The following CTNNA3 variants were observed in gnomAD, a reference collection of about 807,000 sequenced individuals.
The protein encoded by CTNNA3 is catenin alpha 3.
In CTNNA3, 76 loss-of-function variants were observed where a neutral mutation model predicts 95.7. The observed-to-expected ratio is 0.79, with a 90% CI of 0.66 to 0.96. The LOEUF (loss-of-function observed/expected upper bound fraction) is 0.96, where lower values mean the gene tolerates loss of function less well. Among genes scored for constraint, CTNNA3 ranks in the 40% least tolerant of loss-of-function variants. CTNNA3 has a pLI of 0.00. For synonymous variants in CTNNA3, 431 were observed against 374.4 expected (o/e 1.15, Z -1.74); for missense variants, 1,191 against 1,089.8 (o/e 1.09, Z -1.31).
At chr10:67,425,135 T>A (rs1396900690) in intron 5 of CTNNA3, among the ~76,000 whole-genome samples, 2 of 152,050 alleles carry the variant, frequency 1.3e-5, no homozygotes, top group Non-Finnish European at 2.9e-5. Flanking sequence ...ATAAGAAAAA[T>A]TTAACAACAT....
At chr10:66,687,700 C>CATATATATATATATATAT (rs138007950) in intron 9 of CTNNA3, among the ~76,000 whole-genome samples, 1 of 147,290 alleles carries the variant, frequency 6.8e-6, no homozygotes, top group African/African-American at 2.5e-5. Context: ...TGTATTGATT[C>CATATATATATATATATAT]ATATATATAT....
intron 3 of CTNNA3, among the ~76,000 whole-genome samples, chr10:67,585,181 G>A (rs529376749): frequency 6.6e-6 from 1 of 152,228 alleles, no homozygotes; most frequent in East Asian, 1.9e-4. Flanking sequence ...GTTCCTATTT[G>A]GCCATCTTGG....
chr10:66,107,228 C>T (rs1023839826), intron 13 of CTNNA3, among the ~76,000 whole-genome samples: 2 of 152,080 alleles, frequency 1.3e-5, no homozygotes, highest in Non-Finnish European at 2.9e-5. Flanking sequence ...TTTCTCATAT[C>T]AGAATTGTGG....
intron 11 of CTNNA3, among the ~76,000 whole-genome samples, chr10:66,444,860 T>C (rs950845657): frequency 6.6e-6 from 1 of 152,194 alleles, no homozygotes; most frequent in African/African-American, 2.4e-5. Flanking sequence ...AATGCTCCAA[T>C]TAAAAGACAC....
chr10:66,534,490 A>G (rs1054525594), intron 10 of CTNNA3, among the ~76,000 whole-genome samples: 1 of 18,068 alleles, frequency 5.5e-5, no homozygotes, highest in Non-Finnish European at 4.9e-4. Flanking sequence ...ATATATATAT[A>G]TATATATATA....
intron 7 of CTNNA3, among the ~76,000 whole-genome samples, chr10:67,006,548 T>C (rs1310497729): frequency 6.6e-6 from 1 of 151,046 alleles, no homozygotes; most frequent in African/African-American, 2.4e-5. Context: ...TATTCTCTTA[T>C]AACTTCAACC....
intron 5 of CTNNA3, among the ~76,000 whole-genome samples, chr10:67,486,797 T>C (rs920805278): frequency 1.6e-4 from 25 of 152,286 alleles, no homozygotes; most frequent in African/African-American, 5.8e-4. Context: ...AGAAATTCCT[T>C]TGTTTTATAT....
At chr10:67,219,373 TC>T (rs1864539405) in intron 6 of CTNNA3, among the ~76,000 whole-genome samples, 1 of 152,120 alleles carries the variant, frequency 6.6e-6, no homozygotes, top group Non-Finnish European at 1.5e-5. Context: ...TAATTAACAA[TC>T]CCACTTCAAA....
intron 5 of CTNNA3, among the ~76,000 whole-genome samples, chr10:67,322,578 A>G (rs1564565962): frequency 6.6e-6 from 1 of 152,222 alleles, no homozygotes; most frequent in Middle Eastern, 3.2e-3. Flanking sequence ...GATGCATAGT[A>G]TTCCATAGTG....
intron 7 of CTNNA3, among the ~76,000 whole-genome samples, chr10:66,934,753 T>C (rs1259072534): frequency 6.6e-6 from 1 of 152,168 alleles, no homozygotes; most frequent in Non-Finnish European, 1.5e-5. Flanking sequence ...AAGGGTAAAA[T>C]ATAGTTTTTT....
chr10:66,617,476 T>C (rs1309465558), intron 10 of CTNNA3, among the ~76,000 whole-genome samples: 4 of 152,132 alleles, frequency 2.6e-5, no homozygotes, highest in African/African-American at 9.7e-5. Context: ...ATTGTCTCAA[T>C]AGATGCAGAA....
At chr10:67,641,438 G>T (rs1012477340) in intron 2 of CTNNA3, among the ~76,000 whole-genome samples, 1 of 152,158 alleles carries the variant, frequency 6.6e-6, no homozygotes, top group East Asian at 1.9e-4. Flanking sequence ...CCATTGTGGA[G>T]GTCAGTGTGG....
At chr10:67,470,707 T>C (rs1379062546) in intron 5 of CTNNA3, among the ~76,000 whole-genome samples, 2 of 152,112 alleles carry the variant, frequency 1.3e-5, no homozygotes, top group Non-Finnish European at 2.9e-5. Context: ...TCTGTGTTAC[T>C]TTAACACAGA....
intron 11 of CTNNA3, among the ~76,000 whole-genome samples, chr10:66,504,337 G>C (rs1240993093): frequency 2.0e-5 from 3 of 152,142 alleles, no homozygotes; most frequent in Non-Finnish European, 4.4e-5. Context: ...ACAGGCTCTG[G>C]AGCCATTCTC....
At chr10:66,166,750 CA>C (rs146443887) in intron 13 of CTNNA3, among the ~76,000 whole-genome samples, 23,589 of 151,038 alleles carry the variant, frequency 0.16, 2,259 homozygotes, top group Middle Eastern at 0.23. Context: ...ATTATAACAG[CA>C]AAAAAAATTA....
intron 1 of CTNNA3, among the ~76,000 whole-genome samples, chr10:67,685,830 C>T (rs1336898119): frequency 6.6e-6 from 1 of 152,008 alleles, no homozygotes; most frequent in Non-Finnish European, 1.5e-5. Flanking sequence ...TTGTCTCTTC[C>T]TCTTTCCTTG....
rs138846388 is a variant in CTNNA3, at chr10:67,731,446, A to C, written c.-2+31988T>G. Among the ~76,000 whole-genome samples, 90 of 152,130 alleles carry C rather than the reference A, an allele frequency of 5.9e-4. 2 individuals carry two copies. Among genetic ancestry groups the C allele is most frequent in the African/African-American group, 2.1e-3 (86 of 41,520 alleles). On this transcript the variant is annotated intron_variant, in intron 1 of 17. Transcript: ENST00000684154. ...CAGTGAGCCGAGATCGCACCACTGC[A>C]CTCCAGCCTGGGTGACAGAGCAAGA...
intron 5 of CTNNA3, among the ~76,000 whole-genome samples, chr10:67,248,626 C>T (rs1470251949): frequency 6.6e-6 from 1 of 152,026 alleles, no homozygotes; most frequent in African/African-American, 2.4e-5. Context: ...GGGGTTTCAC[C>T]ATGCTTCCTA....
At chr10:65,957,927 G>T (rs1343437269) in intron 17 of CTNNA3, among the ~76,000 whole-genome samples, 1 of 152,038 alleles carries the variant, frequency 6.6e-6, no homozygotes, top group South Asian at 2.1e-4. Flanking sequence ...TTGAATGTTG[G>T]CCTGCCTTGC....
Sources: gnomAD v4.1 joint callset for allele counts (sites outside exome capture counted in the v4.1 genomes callset) on GRCh38, gnomAD v4.1.1 for gene constraint, MANE v1.5 for transcripts, NCBI Gene and HGNC (gene_info 2026-07-23, HGNC 2026-07-21) for gene names.